Variants in MAN1A1 observed in about 807,000 individuals in gnomAD.
The protein encoded by MAN1A1 is mannosyl-oligosaccharide 1,2-alpha-mannosidase IA.
In MAN1A1, 29 loss-of-function variants were observed where a neutral mutation model predicts 70.8. That is an observed-to-expected ratio of 0.41 (90% CI 0.31 to 0.56). The LOEUF (loss-of-function observed/expected upper bound fraction) is 0.56, where lower values mean the gene tolerates loss of function less well. MAN1A1 is among the 20% of genes least tolerant of loss of function. MAN1A1 has a pLI of 0.29. For missense variants in MAN1A1, 747 were observed against 841.3 expected (o/e 0.89, Z 1.39); for synonymous variants, 349 against 330.1 (o/e 1.06, Z -0.62).
At chr6:119,256,437 G>C (rs1775462223) in intron 5 of MAN1A1, among the ~76,000 whole-genome samples, 1 of 147,098 alleles carries the variant, frequency 6.8e-6, no homozygotes, top group Non-Finnish European at 1.5e-5. Flanking sequence ...TCATGAGAGA[G>C]GACTCTCATT....
intron 2 of MAN1A1, among the ~76,000 whole-genome samples, chr6:119,334,026 C>A (rs1379014414): frequency 6.6e-6 from 1 of 152,180 alleles, no homozygotes; most frequent in Non-Finnish European, 1.5e-5. Flanking sequence ...CCCAAAGACA[C>A]CTGTTTTAAA....
At chr6:119,227,065 T>C (rs1774535688) in intron 6 of MAN1A1, among the ~76,000 whole-genome samples, 1 of 152,142 alleles carries the variant, frequency 6.6e-6, no homozygotes, top group Non-Finnish European at 1.5e-5. Context: ...TATAGTATAT[T>C]CATACAATGA....
intron 4 of MAN1A1, among the ~76,000 whole-genome samples, chr6:119,297,672 C>T (rs962500432): frequency 4.6e-5 from 7 of 150,588 alleles, no homozygotes; most frequent in African/African-American, 1.5e-4. Flanking sequence ...AAACACGATA[C>T]ACCCATGAAA....
intron 8 of MAN1A1, among the ~76,000 whole-genome samples, chr6:119,196,187 G>A (rs974670447): frequency 1.1e-4 from 17 of 152,002 alleles, no homozygotes; most frequent in Non-Finnish European, 7.4e-5. Context: ...TCTAATAGAC[G>A]GAAGAAGCAA....
rs181106894 is a variant in MAN1A1, at chr6:119,302,169, T to C, written c.701-66A>G. ...AGATAAAATATATGTAAATTGACCATAACTAAGAAAGGGAGAGGGTAATGC... is the reference window on the plus strand; with the variant it reads ...AGATAAAATATATGTAAATTGACCACAACTAAGAAAGGGAGAGGGTAATGC... On this transcript the variant is annotated intron_variant, in intron 3 of 12. Transcript: ENST00000368468. The C allele has an allele frequency of 8.0e-4, 592 of 741,852 alleles. 1 individual carries two copies. Among genetic ancestry groups the C allele is most frequent in the Non-Finnish European group, 1.0e-3 (449 of 428,456 alleles). 46.0% of individuals were successfully genotyped at this position (741,852 alleles called of 1,614,324 possible). A position where few individuals can be genotyped will look rare whatever the true frequency, so the allele number is the denominator to read the frequency against.
intron 6 of MAN1A1, among the ~76,000 whole-genome samples, chr6:119,215,452 C>A (rs1385664741): frequency 6.6e-6 from 1 of 152,092 alleles, no homozygotes; most frequent in African/African-American, 2.4e-5. Context: ...TAAGAAGAGT[C>A]TCTACGAGAT....
intron 5 of MAN1A1, 110 bp downstream of exon 5, chr6:119,290,573 T>C: frequency 1.4e-6 from 1 of 716,474 alleles, no homozygotes; most frequent in African/African-American, 1.8e-5. Context: ...CATTGAAATA[T>C]AAAAATTCCA....
Position 119,204,895 on chromosome 6 carries a change from T to A in MAN1A1, c.993-13A>T. The A allele has an allele frequency of 6.2e-7, 1 of 1,613,150 alleles. No homozygotes were observed. Among genetic ancestry groups the A allele is most frequent in the Non-Finnish European group, 8.5e-7 (1 of 1,179,654 alleles). On this transcript the variant is annotated splice_polypyrimidine_tract_variant and intron_variant, in intron 6 of 12. Transcript: ENST00000368468. ...CCTTCCAATACCACTAAAGAAGAGATGACGTCGAAGAGTTATGGGTCAGAT... is the reference window on the plus strand; with the variant it reads ...CCTTCCAATACCACTAAAGAAGAGAAGACGTCGAAGAGTTATGGGTCAGAT...
At chr6:119,224,332 T>C (rs1289183294) in intron 6 of MAN1A1, among the ~76,000 whole-genome samples, 1 of 152,186 alleles carries the variant, frequency 6.6e-6, no homozygotes, top group Non-Finnish European at 1.5e-5. Context: ...GCGAAATCCT[T>C]ACTGAAGTGT....
intron 11 of MAN1A1, among the ~76,000 whole-genome samples, chr6:119,184,350 G>A (rs1773230593): frequency 6.6e-6 from 1 of 152,180 alleles, no homozygotes; most frequent in Non-Finnish European, 1.5e-5. Flanking sequence ...TATAATGATT[G>A]GAGCTCTAAA....
At chr6:119,327,076 G>A (rs1773165359) in intron 2 of MAN1A1, among the ~76,000 whole-genome samples, 1 of 152,152 alleles carries the variant, frequency 6.6e-6, no homozygotes, top group Non-Finnish European at 1.5e-5. Context: ...GAGTTGGCAG[G>A]TATGATGAAA....
intron 11 of MAN1A1, among the ~76,000 whole-genome samples, chr6:119,184,707 C>CA (rs144225509): frequency 0.011 from 1,639 of 149,224 alleles, 33 homozygotes; most frequent in East Asian, 0.083. Context: ...CTGAAACTAC[C>CA]AAAAAAAAAC....
chr6:119,263,894 A>T (rs1207924925), intron 5 of MAN1A1, among the ~76,000 whole-genome samples: 1 of 152,216 alleles, frequency 6.6e-6, no homozygotes, highest in Non-Finnish European at 1.5e-5. Flanking sequence ...ACTCCATTTG[A>T]TAAATACAAC....
chr6:119,214,002 T>C (rs1774125241), intron 6 of MAN1A1, among the ~76,000 whole-genome samples: 1 of 152,206 alleles, frequency 6.6e-6, no homozygotes, highest in Admixed American at 6.5e-5. Flanking sequence ...TCTTGCTCTG[T>C]CAGCCAGGCT....
Position 119,301,985 on chromosome 6 carries a change from TA to T in MAN1A1, c.816+2del. Reference sequence around the variant, plus strand: ...CTGAATTAGAAATTCTTATTTAACTTACCACATTAAAATCTAAATTTTCTTC... The same window carrying T: ...CTGAATTAGAAATTCTTATTTAACTTCCACATTAAAATCTAAATTTTCTTC... On this transcript the variant is annotated splice_donor_variant, in intron 4 of 12. Transcript: ENST00000368468. LOFTEE classifies it high-confidence loss of function. The T allele has an allele frequency of 7.0e-7, 1 of 1,435,932 alleles. No individual in the cohort carries two copies. The highest frequency in any genetic ancestry group is 1.4e-5 in the African/African-American group (1 of 71,546). The allele number at this position is 1,435,932 out of a possible 1,614,324, so 88.9% of individuals were successfully genotyped here. A position where few individuals can be genotyped will look rare whatever the true frequency, so the allele number is the denominator to read the frequency against.
intron 5 of MAN1A1, among the ~76,000 whole-genome samples, chr6:119,248,789 C>T (rs1299626104): frequency 6.6e-6 from 1 of 152,154 alleles, no homozygotes; most frequent in Non-Finnish European, 1.5e-5. Context: ...CTACCTTCAG[C>T]ACTATTATTT....
chr6:119,278,249 T>C (rs1417017016), intron 5 of MAN1A1, among the ~76,000 whole-genome samples: 1 of 152,198 alleles, frequency 6.6e-6, no homozygotes, highest in African/African-American at 2.4e-5. Context: ...AATTCCAGTA[T>C]ATTTTAGAAG....
At chr6:119,327,845 A>G (rs1452207325) in intron 2 of MAN1A1, among the ~76,000 whole-genome samples, 1 of 152,198 alleles carries the variant, frequency 6.6e-6, no homozygotes, top group Non-Finnish European at 1.5e-5. Flanking sequence ...ATGAATGAAA[A>G]GAAAATGAAG....
chr6:119,343,436 C>T (rs1773647353), intron 2 of MAN1A1, among the ~76,000 whole-genome samples: 1 of 152,116 alleles, frequency 6.6e-6, no homozygotes, highest in African/African-American at 2.4e-5. Context: ...TCTCAGATCT[C>T]ATTCAGATGC....
Sources: gnomAD v4.1 joint callset for allele counts (sites outside exome capture counted in the v4.1 genomes callset) on GRCh38, gnomAD v4.1.1 for gene constraint, MANE v1.5 for transcripts, NCBI Gene and HGNC (gene_info 2026-07-23, HGNC 2026-07-21) for gene names.